The following CNTNAP2 variants were observed in gnomAD, a reference collection of about 807,000 sequenced individuals.
CNTNAP2 encodes contactin associated protein 2.
CNTNAP2 carries 98 observed loss-of-function variants against 155.2 expected under a neutral mutation model. That is an observed-to-expected ratio of 0.63 (90% CI 0.54 to 0.75). The LOEUF (loss-of-function observed/expected upper bound fraction) is 0.75, where lower values mean the gene tolerates loss of function less well. Ranked by LOEUF, CNTNAP2 falls within the 30% of genes least tolerant of loss-of-function variation. CNTNAP2 has a pLI of 0.00. For synonymous variants in CNTNAP2, 651 were observed against 631.2 expected (o/e 1.03, Z -0.47); for missense variants, 1,727 against 1,688.1 (o/e 1.02, Z -0.40).
intron 10 of CNTNAP2, among the ~76,000 whole-genome samples, chr7:147,428,662 A>G (rs1797419496): frequency 1.3e-5 from 2 of 152,180 alleles, no homozygotes; most frequent in South Asian, 4.1e-4. Context: ...TGGAACTTCC[A>G]TTATTCACTT....
rs372206621 is a variant in CNTNAP2, at chr7:146,248,043, C to T, written c.97+131070C>T. Among the ~76,000 whole-genome samples, 19 of 144,820 alleles carry T rather than the reference C, an allele frequency of 1.3e-4. No homozygotes were observed. In the East Asian group the frequency reaches 1.6e-3, roughly 12 times the overall value. ...CACAGAGATATAAGAGGCTGGGGCA[C>T]GGAAATAAGGGATCGGGGCACAGAG... On this transcript the variant is annotated intron_variant, in intron 1 of 23. Transcript: ENST00000361727.
intron 1 of CNTNAP2, among the ~76,000 whole-genome samples, chr7:146,731,772 T>C (rs377135635): frequency 1.2e-4 from 19 of 152,290 alleles, no homozygotes; most frequent in African/African-American, 3.8e-4. Flanking sequence ...AAAATTCCTT[T>C]AGGGCATAGG....
chr7:146,561,748 G>A (rs1232747694), intron 1 of CNTNAP2, among the ~76,000 whole-genome samples: 1 of 152,022 alleles, frequency 6.6e-6, no homozygotes, highest in African/African-American at 2.4e-5. Context: ...TGAAATTCCG[G>A]CAACTTTTAA....
chr7:147,409,205 G>C (rs901109875), intron 10 of CNTNAP2, among the ~76,000 whole-genome samples: 3 of 152,138 alleles, frequency 2.0e-5, no homozygotes, highest in African/African-American at 7.2e-5. Context: ...AGTGGTAAAA[G>C]AGAAAATTAA....
At chr7:147,487,345 G>A (rs1453814371) in intron 11 of CNTNAP2, among the ~76,000 whole-genome samples, 3 of 152,012 alleles carry the variant, frequency 2.0e-5, no homozygotes, top group Non-Finnish European at 2.9e-5. Context: ...GAACAAAAAT[G>A]ATTGATACTG....
intron 14 of CNTNAP2, among the ~76,000 whole-genome samples, chr7:147,966,298 C>T (rs2116849191): frequency 6.6e-6 from 1 of 152,222 alleles, no homozygotes; most frequent in Non-Finnish European, 1.5e-5. Flanking sequence ...ATTGTACTTC[C>T]TTCTGAGGCC....
intron 1 of CNTNAP2, among the ~76,000 whole-genome samples, chr7:146,614,431 A>G (rs1397898698): frequency 1.3e-5 from 2 of 152,160 alleles, no homozygotes; most frequent in East Asian, 1.9e-4. Flanking sequence ...GGCATATAAC[A>G]TGTGTCCACC....
At chr7:147,057,875 T>C (rs1799592136) in intron 4 of CNTNAP2, among the ~76,000 whole-genome samples, 1 of 152,150 alleles carries the variant, frequency 6.6e-6, no homozygotes, top group Non-Finnish European at 1.5e-5. Context: ...AGACTTCATA[T>C]TGATAAGGAC....
At chr7:147,255,548 T>C (rs1221945720) in intron 8 of CNTNAP2, among the ~76,000 whole-genome samples, 1 of 152,110 alleles carries the variant, frequency 6.6e-6, no homozygotes, top group South Asian at 2.1e-4. Context: ...ACGCATTGGG[T>C]ACTATGTATT....
chr7:147,408,478 C>T (rs530215654), intron 10 of CNTNAP2, among the ~76,000 whole-genome samples: 6 of 152,182 alleles, frequency 3.9e-5, no homozygotes, highest in African/African-American at 7.2e-5. Context: ...GAGGACCTTG[C>T]GGCCGGGTGT....
chr7:146,647,366 A>T (rs1052485718), intron 1 of CNTNAP2, among the ~76,000 whole-genome samples: 2 of 83,644 alleles, frequency 2.4e-5, no homozygotes, highest in Non-Finnish European at 6.7e-5. Flanking sequence ...TTAGTCCATG[A>T]TGTACACTGA....
In CNTNAP2 at chr7:146,539,535, A is replaced by G. The variant is rs548830637; in HGVS notation, c.98-234736A>G. On this transcript the variant is annotated intron_variant, in intron 1 of 23. Transcript: ENST00000361727. The stretch of plus-strand genomic sequence containing the variant: ...AGAGACATAAAGCTACGGTAGAAAC[A>G]TGAAAAAAAAAATACATAGACTATG... Among the ~76,000 whole-genome samples, 5 of 150,406 alleles carry G rather than the reference A, an allele frequency of 3.3e-5. No homozygotes were observed. The South Asian group carries it at 6.3e-4, about 19-fold the overall frequency.
chr7:146,511,325 T>C (rs1435104903), intron 1 of CNTNAP2, among the ~76,000 whole-genome samples: 2 of 152,236 alleles, frequency 1.3e-5, no homozygotes, highest in African/African-American at 2.4e-5. Flanking sequence ...CCTAGTAGTA[T>C]GTTGAATAAA....
intron 2 of CNTNAP2, among the ~76,000 whole-genome samples, chr7:146,829,043 T>A (rs866003417): frequency 6.6e-6 from 1 of 152,056 alleles, no homozygotes; most frequent in Non-Finnish European, 1.5e-5. Flanking sequence ...TCTTGTCTCT[T>A]ATAATCTTAG....
chr7:146,257,428 C>G (rs1347000981), intron 1 of CNTNAP2, among the ~76,000 whole-genome samples: 3 of 152,146 alleles, frequency 2.0e-5, no homozygotes, highest in Non-Finnish European at 2.9e-5. Flanking sequence ...TACAAGGCCC[C>G]AAAATGACTG....
intron 11 of CNTNAP2, among the ~76,000 whole-genome samples, chr7:147,531,805 T>C (rs1333706077): frequency 7.2e-6 from 1 of 139,064 alleles, no homozygotes; most frequent in Non-Finnish European, 1.6e-5. Context: ...GTTTTTCTTT[T>C]CTTTTTTTTT....
At chr7:146,278,891 A>C (rs1036296997) in intron 1 of CNTNAP2, among the ~76,000 whole-genome samples, 2 of 152,186 alleles carry the variant, frequency 1.3e-5, no homozygotes, top group African/African-American at 4.8e-5. Context: ...ATTTTCCAGC[A>C]CTGAGATAGG....
At chr7:146,621,343 A>G (rs1799313315) in intron 1 of CNTNAP2, among the ~76,000 whole-genome samples, 1 of 152,194 alleles carries the variant, frequency 6.6e-6, no homozygotes, top group Non-Finnish European at 1.5e-5. Context: ...GCCAATATGC[A>G]TATATTAAGC....
At chr7:147,420,007 C>T (rs929777641) in intron 10 of CNTNAP2, among the ~76,000 whole-genome samples, 1 of 152,120 alleles carries the variant, frequency 6.6e-6, no homozygotes, top group African/African-American at 2.4e-5. Context: ...GGCAGAGATT[C>T]CACTAGACAC....
Sources: allele counts gnomAD v4.1 joint callset (sites outside exome capture counted in the v4.1 genomes callset), GRCh38; gene constraint gnomAD v4.1.1; transcripts MANE v1.5; gene names NCBI Gene and HGNC (gene_info 2026-07-23, HGNC 2026-07-21).